Variants in PCDHGB3 observed in about 807,000 individuals in gnomAD.
PCDHGB3 encodes the protein protocadherin gamma subfamily B, 3.
PCDHGB3 carries 40 observed loss-of-function variants against 59.2 expected under a neutral mutation model. That is an observed-to-expected ratio of 0.68 (90% confidence interval 0.52 to 0.88). PCDHGB3 has a LOEUF of 0.88. Ranked by LOEUF, PCDHGB3 falls within the 40% of genes least tolerant of loss-of-function variation. PCDHGB3 has a pLI of 0.00. For synonymous variants in PCDHGB3, 581 were observed against 503.6 expected (o/e 1.15, Z -2.06); for missense variants, 1,309 against 1,187.9 (o/e 1.10, Z -1.50).
At chr5:141,451,468 C>G (rs2098716484) in intron 1 of PCDHGB3, among the ~76,000 whole-genome samples, 1 of 152,202 alleles carries the variant, frequency 6.6e-6, no homozygotes, top group South Asian at 2.1e-4. Context: ...AGGTCTACCT[C>G]AGTTCCTTGC....
intron 1 of PCDHGB3, chr5:141,376,173 T>C (rs531193543): frequency 1.3e-5 from 21 of 1,614,092 alleles, no homozygotes; most frequent in East Asian, 2.2e-5. Flanking sequence ...GTGGTGGCGG[T>C]GGCCGCGGTC....
intron 1 of PCDHGB3, among the ~76,000 whole-genome samples, chr5:141,483,875 AT>A (rs2154580008): frequency 6.6e-6 from 1 of 151,964 alleles, no homozygotes; most frequent in Admixed American, 6.6e-5. Context: ...ATCAGGATGG[AT>A]TTTTCTATTT....
chr5:141,489,904 C>T lies in PCDHGB3; in HGVS notation c.2416-4903C>T, dbSNP rs750411680. On this transcript the variant is annotated intron_variant, in intron 1 of 3. Transcript: ENST00000576222. This position sits in a 1 kb window ranked among gnomAD's most constrained non-coding sequence, Gnocchi z 4.5. ...TGCTGTGGATGGGGGGACCCCAGCC[C>T]GCTCAGGGACCACCCTTATCTCTGT... 1.6e-5 allele frequency: 26 copies of T among 1,614,092 alleles called. No homozygotes were observed. The highest frequency in any genetic ancestry group is 3.3e-5 in the Admixed American group (2 of 60,014).
In PCDHGB3 at chr5:141,511,539, C is replaced by CGAGAT; in HGVS notation, c.*366_*367insGAGAT. 3.0e-6 allele frequency: 1 copy of CGAGAT among 328,342 alleles called. No individual in the cohort carries two copies. Among genetic ancestry groups the CGAGAT allele is most frequent in the South Asian group, 3.2e-5 (1 of 31,708 alleles). 20.3% of individuals were successfully genotyped at this position (328,342 alleles called of 1,614,324 possible). On this transcript the variant is annotated 3_prime_UTR_variant, in exon 4 of 4. Transcript: ENST00000576222. ...CATCCCATGCCTCCCTCCTCCCCAC[C>CGAGAT]CCACTCCAACAGTTCCTCTTTCCCG...
intron 1 of PCDHGB3, among the ~76,000 whole-genome samples, chr5:141,456,059 G>A (rs1200043527): frequency 1.3e-5 from 2 of 151,662 alleles, no homozygotes; most frequent in Non-Finnish European, 1.5e-5. Flanking sequence ...CACCACGTCC[G>A]GCTAATTTTT....
At chr5:141,460,977 G>A in intron 1 of PCDHGB3, among the ~76,000 whole-genome samples, 1 of 131,518 alleles carries the variant, frequency 7.6e-6, no homozygotes, top group African/African-American at 3.4e-5. Context: ...GTGTGTGTGT[G>A]TGTGTGTATA....
At chr5:141,377,416 G>A (rs1455830122) in intron 1 of PCDHGB3, 5 of 151,976 alleles carry the variant, frequency 3.3e-5, no homozygotes, top group Non-Finnish European at 5.9e-5. Context: ...GACCAGCCTG[G>A]GTGACTCTGT....
chr5:141,408,077 G>A, intron 1 of PCDHGB3: 2 of 1,408,130 alleles, frequency 1.4e-6, no homozygotes, highest in South Asian at 3.0e-5. Context: ...ACCTTTCCCA[G>A]CACAGCGGAT....
rs1379875429 is a variant in PCDHGB3 at position 141,491,125 on chromosome 5, C to T, written c.2416-3682C>T. 3.1e-6 allele frequency: 5 copies of T among 1,614,020 alleles called. No homozygotes were observed. The highest frequency in any genetic ancestry group is 4.2e-6 in the Non-Finnish European group (5 of 1,179,992). ...CGTGTCTACACACACTGGTGAGGTG[C>T]GCACAGCCCGGGCCTTACTGGAGGA... On this transcript the variant is annotated intron_variant, in intron 1 of 3. Coordinates refer to ENST00000576222, the MANE Select transcript of PCDHGB3 (RefSeq NM_018924.5). The surrounding 1 kb of genome is among the most constrained non-coding windows in gnomAD (Gnocchi z 6.9).
rs149920059 is a variant in PCDHGB3 at position 141,409,848 on chromosome 5, G to A, written c.2415+37039G>A. 8,006 of 1,612,024 alleles carry A rather than the reference G, an allele frequency of 5.0e-3. 45 individuals are homozygous for A. The highest frequency in any genetic ancestry group is 9.5e-3 in the Admixed American group (567 of 59,794). On this transcript the variant is annotated intron_variant, in intron 1 of 3. Transcript: ENST00000576222. ...ACGCTCAGCGCCAACGTGAGCCTGC[G>A]CGTGTTGGTGGGAGACCGCAATGAC... is the stretch of plus-strand genomic sequence containing the variant.
intron 1 of PCDHGB3, chr5:141,478,884 C>T (rs767294994): frequency 9.2e-5 from 110 of 1,194,180 alleles, no homozygotes; most frequent in Non-Finnish European, 1.2e-4. Context: ...AGCTTGGTAT[C>T]ATTTACATTA....
intron 1 of PCDHGB3, chr5:141,430,780 C>G: frequency 6.6e-7 from 1 of 1,511,476 alleles, no homozygotes; most frequent in Non-Finnish European, 8.8e-7. Context: ...CGCGACTGCA[C>G]CGGGACTACA....
At position 141,495,662 on chromosome 5, in the gene PCDHGB3, C is replaced by T. The variant is rs545912968; in HGVS notation, c.2474+797C>T. The stretch of plus-strand genomic sequence containing the variant: ...TTTGTCTACTTGCATTGATCTGTGC[C>T]GCCCACTGTGCCTGCCATGGCATAA... On this transcript the variant is annotated intron_variant, in intron 2 of 3. Coordinates refer to ENST00000576222, the MANE Select transcript of PCDHGB3 (RefSeq NM_018924.5). Among the ~76,000 whole-genome samples, 8 of 152,256 alleles carry T rather than the reference C, an allele frequency of 5.3e-5. No individual in the cohort carries two copies. In the South Asian group the frequency reaches 6.2e-4, roughly 12 times the overall value.
rs762910422 is a variant in PCDHGB3, at chr5:141,485,747, C to T, written c.2416-9060C>T. ...GAAGCGCAGCGACGGCAGCCTGGTCCCAGAGCTGCTCCTGGAGAAGCCTTT... is the reference window on the plus strand; with the variant it reads ...GAAGCGCAGCGACGGCAGCCTGGTCTCAGAGCTGCTCCTGGAGAAGCCTTT... On this transcript the variant is annotated intron_variant, in intron 1 of 3. Coordinates refer to ENST00000576222, the MANE Select transcript of PCDHGB3 (RefSeq NM_018924.5). This position sits in a 1 kb window ranked among gnomAD's most constrained non-coding sequence, Gnocchi z 5.7. 1 of 1,614,162 alleles carries T rather than the reference C, an allele frequency of 6.2e-7. No individual in the cohort carries two copies.
intron 1 of PCDHGB3, chr5:141,399,237 A>G: frequency 6.2e-7 from 1 of 1,614,002 alleles, no homozygotes; most frequent in South Asian, 1.1e-5. Context: ...TACATGACCA[A>G]GATTCTGGGG....
intron 1 of PCDHGB3, chr5:141,418,251 C>G: frequency 6.2e-7 from 1 of 1,614,058 alleles, no homozygotes; most frequent in Non-Finnish European, 8.5e-7. Context: ...GACCACGCCC[C>G]TCAATTCCGG....
At chr5:141,450,815 A>ATTAT (rs1554136868) in intron 1 of PCDHGB3, among the ~76,000 whole-genome samples, 98 of 126,742 alleles carry the variant, frequency 7.7e-4, no homozygotes, top group African/African-American at 3.1e-3. Flanking sequence ...TATTTATTTA[A>ATTAT]TATTATTATT....
At chr5:141,410,532 A>G in intron 1 of PCDHGB3, 1 of 1,613,908 alleles carries the variant, frequency 6.2e-7, no homozygotes, top group Non-Finnish European at 8.5e-7. Context: ...CATTCCAATG[A>G]AGACATGGTT....
At chr5:141,380,721 T>C (rs1228432392) in intron 1 of PCDHGB3, among the ~76,000 whole-genome samples, 3 of 152,238 alleles carry the variant, frequency 2.0e-5, no homozygotes, top group Non-Finnish European at 4.4e-5. Flanking sequence ...TAACTAGCTC[T>C]TATTTCCTTT....
Sources: gnomAD v4.1 joint callset for allele counts (sites outside exome capture counted in the v4.1 genomes callset) on GRCh38, gnomAD v4.1.1 for gene constraint, Gnocchi (gnomAD v3.1) non-coding constraint, MANE v1.5 for transcripts, NCBI Gene and HGNC (gene_info 2026-07-23, HGNC 2026-07-21) for gene names.